The following SGCZ variants were observed in gnomAD, a reference collection of about 807,000 sequenced individuals.
SGCZ encodes zeta-sarcoglycan.
SGCZ carries 40 observed loss-of-function variants against 41.3 expected under a neutral mutation model. That is an observed-to-expected ratio of 0.97 (90% confidence interval 0.75 to 1.26). The LOEUF is 1.26. Ranked by LOEUF, SGCZ falls within the 50% of genes most tolerant of loss-of-function variation. The pLI is 0.00. For missense variants in SGCZ, 552 were observed against 369.8 expected, an observed-to-expected ratio of 1.49 and a Z score of -4.04; for synonymous variants, 206 against 137.5, an observed-to-expected ratio of 1.50 and a Z score of -3.49.
At chr8:14,517,759 G>A (rs1458814564) in intron 2 of SGCZ, among the ~76,000 whole-genome samples, 1 of 151,706 alleles carries the variant, frequency 6.6e-6, no homozygotes, top group African/African-American at 2.4e-5. Context: ...GTATATTCAT[G>A]CTTTTAGCTC....
At chr8:14,225,683 G>C (rs1226735199) in intron 4 of SGCZ, among the ~76,000 whole-genome samples, 4 of 152,068 alleles carry the variant, frequency 2.6e-5, no homozygotes, top group Non-Finnish European at 5.9e-5. Context: ...TGTATAATGA[G>C]CACATAACAC....
At chr8:14,571,574 T>C (rs753358932) in intron 1 of SGCZ, among the ~76,000 whole-genome samples, 2 of 152,180 alleles carry the variant, frequency 1.3e-5, no homozygotes, top group Non-Finnish European at 2.9e-5. Context: ...TAAATTTTTT[T>C]TTCTGACTGC....
chr8:15,222,175 C>A (rs1421098798), intron 1 of SGCZ, among the ~76,000 whole-genome samples: 1 of 152,036 alleles, frequency 6.6e-6, no homozygotes, highest in Non-Finnish European at 1.5e-5. Context: ...ATTTTATATT[C>A]TAAAGGGGGC....
chr8:15,085,385 G>A (rs964876868), intron 1 of SGCZ, among the ~76,000 whole-genome samples: 4 of 152,148 alleles, frequency 2.6e-5, no homozygotes, highest in African/African-American at 4.8e-5. Context: ...TTAGACACAC[G>A]TGCTGAAATC....
intron 2 of SGCZ, among the ~76,000 whole-genome samples, chr8:14,497,600 G>C (rs931371922): frequency 6.6e-6 from 1 of 151,996 alleles, no homozygotes; most frequent in African/African-American, 2.4e-5. Context: ...GTGTGAGAGA[G>C]AGAGAGAGCT....
At chr8:14,122,385 G>T (rs959952702) in intron 5 of SGCZ, among the ~76,000 whole-genome samples, 4 of 152,230 alleles carry the variant, frequency 2.6e-5, no homozygotes, top group South Asian at 2.1e-4. Context: ...ACATTCTGGG[G>T]TCCTTTCCCT....
intron 2 of SGCZ, among the ~76,000 whole-genome samples, chr8:14,359,119 G>C (rs1803409395): frequency 6.6e-6 from 1 of 151,700 alleles, no homozygotes; most frequent in South Asian, 2.1e-4. Context: ...TCAACCTAGA[G>C]AAACAAAGTA....
At chr8:14,619,328 A>G (rs2117364274) in intron 1 of SGCZ, among the ~76,000 whole-genome samples, 1 of 152,300 alleles carries the variant, frequency 6.6e-6, no homozygotes, top group East Asian at 1.9e-4. Flanking sequence ...CCCACAGCCA[A>G]TATCATACTG....
At chr8:14,636,994 C>T (rs1411774676) in intron 1 of SGCZ, among the ~76,000 whole-genome samples, 1 of 151,446 alleles carries the variant, frequency 6.6e-6, no homozygotes, top group Non-Finnish European at 1.5e-5. Context: ...CAAAACACGA[C>T]TCTCATTTTA....
intron 2 of SGCZ, among the ~76,000 whole-genome samples, chr8:14,517,383 G>C (rs1802653992): frequency 6.6e-6 from 1 of 152,052 alleles, no homozygotes; most frequent in Admixed American, 6.6e-5. Flanking sequence ...AACTACACTT[G>C]AGCATTCTAT....
chr8:15,054,973 A>T (rs1406575719), intron 1 of SGCZ, among the ~76,000 whole-genome samples: 3 of 152,000 alleles, frequency 2.0e-5, no homozygotes, highest in African/African-American at 7.2e-5. Flanking sequence ...AAAAAAAAAA[A>T]AAAATAAGAC....
intron 2 of SGCZ, among the ~76,000 whole-genome samples, chr8:14,327,311 C>G (rs1452778511): frequency 1.3e-5 from 2 of 152,112 alleles, no homozygotes; most frequent in Non-Finnish European, 2.9e-5. Flanking sequence ...ATTCAGGAAA[C>G]CAAGAGTATT....
At chr8:14,129,711 A>G (rs1802979685) in intron 5 of SGCZ, among the ~76,000 whole-genome samples, 1 of 152,018 alleles carries the variant, frequency 6.6e-6, no homozygotes, top group South Asian at 2.1e-4. Flanking sequence ...CAAAAAAGAC[A>G]TTAAGAAAGT....
chr8:14,108,023 T>C (rs1036724115), intron 6 of SGCZ, 140 bp downstream of exon 6: 1 of 703,932 alleles, frequency 1.4e-6, no homozygotes, highest in African/African-American at 1.8e-5. Context: ...ACATTCTTCC[T>C]ATCTAATATA....
At chr8:14,598,153 G>A (rs1585112666) in intron 1 of SGCZ, among the ~76,000 whole-genome samples, 1 of 152,120 alleles carries the variant, frequency 6.6e-6, no homozygotes, top group South Asian at 2.1e-4. Flanking sequence ...TTGGAAGAAG[G>A]TTGAGAATTA....
At position 14,333,518 on chromosome 8, in the gene SGCZ, G is replaced by A. The variant is rs749678435; in HGVS notation, c.235-9314C>T. Among the ~76,000 whole-genome samples the A allele has an allele frequency of 8.7e-4, 132 of 151,306 alleles. 1 individual carries two copies. The highest frequency in any genetic ancestry group is 6.9e-3 in the Middle Eastern group (2 of 290). ...ATAGAATACCAGAATTAATGACCTGGTGAAAAAAAAAAGTTACTTTTTCAA... is the reference window on the plus strand; with the variant it reads ...ATAGAATACCAGAATTAATGACCTGATGAAAAAAAAAAGTTACTTTTTCAA... On this transcript the variant is annotated intron_variant, in intron 2 of 7. Coordinates refer to ENST00000382080, the MANE Select transcript of SGCZ (RefSeq NM_139167.4).
At chr8:14,938,068 A>G (rs554194195) in intron 1 of SGCZ, among the ~76,000 whole-genome samples, 21 of 152,282 alleles carry the variant, frequency 1.4e-4, no homozygotes, top group Admixed American at 1.2e-3. Context: ...TCATATATAC[A>G]CTAACACATA....
chr8:15,196,773 T>C (rs945474180), intron 1 of SGCZ, among the ~76,000 whole-genome samples: 1 of 152,192 alleles, frequency 6.6e-6, no homozygotes, highest in South Asian at 2.1e-4. Flanking sequence ...CTAAAATTTC[T>C]TATTTCTCAT....
At chr8:15,065,708 G>C (rs1252076359) in intron 1 of SGCZ, among the ~76,000 whole-genome samples, 1 of 151,832 alleles carries the variant, frequency 6.6e-6, no homozygotes, top group Non-Finnish European at 1.5e-5. Context: ...CAAAGTCCTG[G>C]GATCACAGGT....
Sources: gnomAD v4.1 joint callset for allele counts (sites outside exome capture counted in the v4.1 genomes callset) on GRCh38, gnomAD v4.1.1 for gene constraint, MANE v1.5 for transcripts, NCBI Gene and HGNC (gene_info 2026-07-23, HGNC 2026-07-21) for gene names.